DLG2: variants seen among roughly 807,000 people sequenced by gnomAD.
The protein encoded by DLG2 is discs large MAGUK scaffold protein 2, also known as disks large homolog 2.
DLG2 carries 45 observed loss-of-function variants against 132.5 expected under a neutral mutation model. The observed-to-expected ratio is 0.34, with a 90% CI of 0.27 to 0.44. The LOEUF is 0.44. Ranked by LOEUF, DLG2 falls within the 20% of genes least tolerant of loss-of-function variation. The pLI is 1.00. For missense variants in DLG2, 1,045 were observed against 1,196.9 expected (o/e 0.87, Z 1.87); for synonymous variants, 424 against 419.6 (o/e 1.01, Z -0.13).
At chr11:84,034,524 T>A (rs2095807265) in intron 11 of DLG2, among the ~76,000 whole-genome samples, 1 of 152,162 alleles carries the variant, frequency 6.6e-6, no homozygotes, top group African/African-American at 2.4e-5. Flanking sequence ...ACATAATATA[T>A]CATACTATAA....
At chr11:84,577,860 C>G (rs2099506060) in intron 6 of DLG2, among the ~76,000 whole-genome samples, 1 of 152,182 alleles carries the variant, frequency 6.6e-6, no homozygotes, top group African/African-American at 2.4e-5. Flanking sequence ...GCACCCCCTC[C>G]CATCACAGGC....
At chr11:85,112,820 T>C (rs1372026102) in intron 5 of DLG2, among the ~76,000 whole-genome samples, 1 of 152,120 alleles carries the variant, frequency 6.6e-6, no homozygotes, top group Non-Finnish European at 1.5e-5. Flanking sequence ...CTTTCTTTTA[T>C]GAGAAGTTGC....
At chr11:85,007,731 G>C (rs2058815467) in intron 6 of DLG2, among the ~76,000 whole-genome samples, 1 of 148,818 alleles carries the variant, frequency 6.7e-6, no homozygotes, top group Non-Finnish European at 1.5e-5. Flanking sequence ...GAAAGAGTAA[G>C]AGAGGAGAAA....
intron 3 of DLG2, among the ~76,000 whole-genome samples, chr11:85,544,374 A>G (rs1205445315): frequency 1.3e-5 from 2 of 152,168 alleles, no homozygotes; most frequent in Non-Finnish European, 2.9e-5. Flanking sequence ...TACCAGTACC[A>G]TGCTGTTTTG....
chr11:84,017,908 T>G (rs540168562), intron 11 of DLG2, among the ~76,000 whole-genome samples: 3 of 152,160 alleles, frequency 2.0e-5, no homozygotes, highest in African/African-American at 2.4e-5. Flanking sequence ...TTGTTTCTGA[T>G]GAGAAGTCAG....
intron 18 of DLG2, among the ~76,000 whole-genome samples, chr11:83,776,189 C>T (rs1490851189): frequency 6.6e-6 from 1 of 152,156 alleles, no homozygotes; most frequent in Non-Finnish European, 1.5e-5. Flanking sequence ...GCCAATCATG[C>T]TTTCCATGTT....
chr11:85,205,887 G>A (rs1336407549), intron 4 of DLG2, among the ~76,000 whole-genome samples: 2 of 152,106 alleles, frequency 1.3e-5, no homozygotes, highest in African/African-American at 2.4e-5. Flanking sequence ...TTTTTCAAAT[G>A]TAACACAGAA....
At chr11:85,578,047 A>T (rs1400862717) in intron 3 of DLG2, among the ~76,000 whole-genome samples, 1 of 152,198 alleles carries the variant, frequency 6.6e-6, no homozygotes, top group Admixed American at 6.5e-5. Context: ...ACATACACAC[A>T]GACAAGTGGA....
chr11:83,568,193 G>A (rs1020553641), intron 19 of DLG2, among the ~76,000 whole-genome samples: 2 of 152,100 alleles, frequency 1.3e-5, no homozygotes. Flanking sequence ...ATGGGGATGA[G>A]TATTTGAGAG....
chr11:85,134,636 T>A (rs1206695916), intron 5 of DLG2, among the ~76,000 whole-genome samples: 1 of 151,588 alleles, frequency 6.6e-6, no homozygotes, highest in Admixed American at 6.6e-5. Flanking sequence ...TTATTGAGGT[T>A]CTAACCTCAA....
At chr11:84,279,109 C>A (rs1262872313) in intron 7 of DLG2, among the ~76,000 whole-genome samples, 2 of 151,934 alleles carry the variant, frequency 1.3e-5, no homozygotes, top group Middle Eastern at 3.2e-3. Flanking sequence ...AGAACTTAAA[C>A]AAATTTACAA....
At chr11:84,015,813 C>T (rs964509636) in intron 11 of DLG2, among the ~76,000 whole-genome samples, 3 of 152,116 alleles carry the variant, frequency 2.0e-5, no homozygotes, top group African/African-American at 7.2e-5. Flanking sequence ...GATTCCATGT[C>T]TTTGCTATTG....
intron 17 of DLG2, among the ~76,000 whole-genome samples, chr11:83,813,782 G>GCAA (rs1271772710): frequency 6.6e-6 from 1 of 152,090 alleles, no homozygotes; most frequent in Non-Finnish European, 1.5e-5. Flanking sequence ...AGCAGCAGCA[G>GCAA]CAACAACAAC....
chr11:85,028,352 A>G (rs2060714950), intron 6 of DLG2, among the ~76,000 whole-genome samples: 1 of 151,786 alleles, frequency 6.6e-6, no homozygotes, highest in South Asian at 2.1e-4. Flanking sequence ...TAAGCCACGG[A>G]CTCTATGCAC....
At chr11:84,391,443 A>C (rs1019410492) in intron 7 of DLG2, among the ~76,000 whole-genome samples, 1 of 152,150 alleles carries the variant, frequency 6.6e-6, no homozygotes, top group Non-Finnish European at 1.5e-5. Context: ...TATTTTTACC[A>C]ATAACCCAAC....
At chr11:83,562,725 T>A (rs957747084) in intron 19 of DLG2, among the ~76,000 whole-genome samples, 2 of 152,186 alleles carry the variant, frequency 1.3e-5, no homozygotes, top group Admixed American at 1.3e-4. Flanking sequence ...GAAAATATGA[T>A]AACTTAGTGA....
intron 2 of DLG2, among the ~76,000 whole-genome samples, chr11:85,618,439 A>T (rs978080366): frequency 2.6e-5 from 4 of 152,230 alleles, no homozygotes; most frequent in African/African-American, 9.6e-5. Flanking sequence ...CTTATTGACA[A>T]AGGCATGAAT....
intron 9 of DLG2, among the ~76,000 whole-genome samples, chr11:84,139,979 A>C (rs1023842068): frequency 2.0e-5 from 3 of 152,080 alleles, no homozygotes; most frequent in African/African-American, 7.2e-5. Flanking sequence ...TTAAAATCCA[A>C]TTTTTTATAA....
At chr11:84,906,557 A>C (rs1193382270) in intron 6 of DLG2, among the ~76,000 whole-genome samples, 1 of 152,090 alleles carries the variant, frequency 6.6e-6, no homozygotes, top group Non-Finnish European at 1.5e-5. Flanking sequence ...AAAAACAAAA[A>C]AGCTTGCCTC....
Sources: allele counts gnomAD v4.1 joint callset (sites outside exome capture counted in the v4.1 genomes callset), GRCh38; gene constraint gnomAD v4.1.1; transcripts MANE v1.5; gene names NCBI Gene and HGNC (gene_info 2026-07-23, HGNC 2026-07-21).